Variants in NELL1 observed in about 807,000 individuals in gnomAD.
NELL1 encodes the protein neural EGFL like 1.
Under a neutral mutation model 107.4 loss-of-function variants are expected in NELL1, and 76 were observed. The observed-to-expected ratio is 0.71, with a 90% confidence interval of 0.59 to 0.86. NELL1 has a LOEUF of 0.86. Among genes scored for constraint, NELL1 ranks in the 40% least tolerant of loss-of-function variants. NELL1 has a pLI of 0.00. For synonymous variants in NELL1, 353 were observed against 341.2 expected (o/e 1.03, Z -0.38); for missense variants, 1,024 against 1,005.5 (o/e 1.02, Z -0.25).
At chr11:21,231,831 G>C (rs1336866196) in intron 14 of NELL1, among the ~76,000 whole-genome samples, 1 of 152,118 alleles carries the variant, frequency 6.6e-6, no homozygotes, top group Non-Finnish European at 1.5e-5. Context: ...ATAATCAATT[G>C]TGTTGACCTC....
At chr11:20,710,625 T>C (rs547985554) in intron 2 of NELL1, among the ~76,000 whole-genome samples, 1 of 152,294 alleles carries the variant, frequency 6.6e-6, no homozygotes, top group East Asian at 1.9e-4. Context: ...AATTCTTCTT[T>C]GAATGTTTGA....
At chr11:21,353,434 T>C (rs780255459) in intron 14 of NELL1, among the ~76,000 whole-genome samples, 1 of 152,158 alleles carries the variant, frequency 6.6e-6, no homozygotes, top group Non-Finnish European at 1.5e-5. Context: ...TAAATCCAGA[T>C]TTGTCTGTTT....
rs536955509 is a variant in NELL1 at position 20,692,619 on chromosome 11, G to A, written c.184+14559G>A. 2.8e-4 allele frequency among the ~76,000 whole-genome samples: 42 copies of A among 151,172 alleles called. No homozygotes were observed. The East Asian group carries it at 8.1e-3, about 29-fold the overall frequency. On this transcript the variant is annotated intron_variant, in intron 2 of 19. Transcript: ENST00000357134. ...TTTTGAGTGAGTTTCTTAATCCTGA[G>A]TTCTAGTTTGATTACACTGTGGTCT...
intron 15 of NELL1, among the ~76,000 whole-genome samples, chr11:21,483,774 TAAAATAGGATA>T (rs1854550390): frequency 6.7e-6 from 1 of 150,102 alleles, no homozygotes; most frequent in South Asian, 2.1e-4. Context: ...TGTAATTAAG[TAAAATAGGATA>T]CCCAAATAAT....
intron 12 of NELL1, among the ~76,000 whole-genome samples, chr11:21,040,184 A>C (rs998793615): frequency 1.3e-5 from 2 of 151,316 alleles, no homozygotes; most frequent in African/African-American, 4.9e-5. Flanking sequence ...GTGTGTGTGT[A>C]AATTTAATAC....
chr11:21,474,451 A>C (rs1854269601), intron 15 of NELL1, among the ~76,000 whole-genome samples: 1 of 152,130 alleles, frequency 6.6e-6, no homozygotes, highest in Admixed American at 6.6e-5. Flanking sequence ...CAAAGCCAAG[A>C]ACAATATTCA....
intron 17 of NELL1, among the ~76,000 whole-genome samples, chr11:21,566,198 G>T (rs190377398): frequency 9.2e-4 from 140 of 151,906 alleles, no homozygotes; most frequent in African/African-American, 3.2e-3. Flanking sequence ...GTGGGCATCC[G>T]TTTTCCAACC....
chr11:21,329,242 T>TGACAGTTAGTGAGTTCTCAC lies in NELL1; in HGVS notation c.1550-41610_1550-41591dup, dbSNP rs577681687. Among the ~76,000 whole-genome samples, 403 of 152,218 alleles carry TGACAGTTAGTGAGTTCTCAC rather than the reference T, an allele frequency of 2.6e-3. 4 individuals carry two copies. Among genetic ancestry groups the TGACAGTTAGTGAGTTCTCAC allele is most frequent in the African/African-American group, 9.1e-3 (378 of 41,546 alleles). ...GGCAGTTACCCTCATGCTGTTCTCATGACAGTTAGTGAGTTCTCACAGGAT... is the reference window on the plus strand; with the variant it reads ...GGCAGTTACCCTCATGCTGTTCTCATGACAGTTAGTGAGTTCTCACGACAGTTAGTGAGTTCTCACAGGAT... On this transcript the variant is annotated intron_variant, in intron 14 of 19. Coordinates refer to ENST00000357134, the MANE Select transcript of NELL1 (RefSeq NM_006157.5).
At chr11:20,726,264 G>A (rs930053419) in intron 2 of NELL1, among the ~76,000 whole-genome samples, 2 of 151,970 alleles carry the variant, frequency 1.3e-5, no homozygotes, top group Non-Finnish European at 2.9e-5. Context: ...CCCAGCAATG[G>A]GATTGTTGCA....
intron 14 of NELL1, among the ~76,000 whole-genome samples, chr11:21,232,246 C>T (rs2133887654): frequency 6.7e-6 from 1 of 148,312 alleles, no homozygotes; most frequent in South Asian, 2.2e-4. Context: ...AGGCGAATTG[C>T]TCGAACCTGG....
Position 21,143,492 on chromosome 11 carries a change from T to TG in NELL1, c.1426+29780dup, listed in dbSNP as rs142169409. On this transcript the variant is annotated intron_variant, in intron 13 of 19. Transcript: ENST00000357134. The stretch of plus-strand genomic sequence containing the variant: ...GGTGAAATAGCTAGCGAAAAGTCCT[T>TG]GGTGGAGTAGCCAAAGGACTTGTAG... Among the ~76,000 whole-genome samples the TG allele has an allele frequency of 9.6e-3, 1,455 of 152,240 alleles. 65 individuals are homozygous for TG. The East Asian group carries it at 0.11, about 12-fold the overall frequency.
chr11:21,177,800 A>G (rs1590707522), intron 13 of NELL1, among the ~76,000 whole-genome samples: 1 of 151,554 alleles, frequency 6.6e-6, no homozygotes, highest in South Asian at 2.1e-4. Context: ...CATTTTTTTT[A>G]TAATCGTTCT....
intron 3 of NELL1, among the ~76,000 whole-genome samples, chr11:20,842,981 C>T (rs1848646076): frequency 6.6e-6 from 1 of 151,954 alleles, no homozygotes; most frequent in Non-Finnish European, 1.5e-5. Context: ...TTATTATTGC[C>T]CATAAAAATA....
At chr11:21,375,412 A>G (rs978182900) in intron 15 of NELL1, among the ~76,000 whole-genome samples, 11 of 152,108 alleles carry the variant, frequency 7.2e-5, no homozygotes, top group African/African-American at 1.9e-4. Flanking sequence ...TTAGTATTCC[A>G]TGGTGTATAT....
intron 4 of NELL1, among the ~76,000 whole-genome samples, chr11:20,873,139 A>G (rs1284704859): frequency 6.6e-6 from 1 of 152,192 alleles, no homozygotes; most frequent in Non-Finnish European, 1.5e-5. Context: ...AGCATCAGCA[A>G]GTGTTTTGGA....
intron 15 of NELL1, among the ~76,000 whole-genome samples, chr11:21,413,788 A>T (rs1405009619): frequency 6.6e-6 from 1 of 152,056 alleles, no homozygotes; most frequent in East Asian, 1.9e-4. Context: ...GCAAGATCTC[A>T]ACATTAATTT....
intron 2 of NELL1, among the ~76,000 whole-genome samples, chr11:20,709,135 T>C (rs1006365695): frequency 6.6e-5 from 10 of 151,710 alleles, no homozygotes; most frequent in African/African-American, 2.2e-4. Context: ...TCTCGAAGAG[T>C]TTTTCTGATG....
intron 2 of NELL1, among the ~76,000 whole-genome samples, chr11:20,684,255 A>T (rs909337388): frequency 1.3e-5 from 2 of 151,994 alleles, no homozygotes; most frequent in Admixed American, 1.3e-4. Flanking sequence ...AAAAAATAAA[A>T]CAAAAATTAT....
intron 14 of NELL1, among the ~76,000 whole-genome samples, chr11:21,288,308 A>T (rs766067908): frequency 1.3e-5 from 2 of 152,150 alleles, no homozygotes; most frequent in African/African-American, 4.8e-5. Flanking sequence ...TCAGTAAAAC[A>T]GTTGGTTGGC....
Sources: gnomAD v4.1 joint callset for allele counts (sites outside exome capture counted in the v4.1 genomes callset) on GRCh38, gnomAD v4.1.1 for gene constraint, MANE v1.5 for transcripts, NCBI Gene and HGNC (gene_info 2026-07-23, HGNC 2026-07-21) for gene names.